PHF2: variants seen among roughly 807,000 people sequenced by gnomAD.
PHF2 encodes the protein lysine-specific demethylase PHF2.
In PHF2, 27 loss-of-function variants were observed where a neutral mutation model predicts 120.5. The observed-to-expected ratio is 0.22, with a 90% CI of 0.17 to 0.31. The LOEUF (loss-of-function observed/expected upper bound fraction) is 0.31. PHF2 is among the 10% of genes least tolerant of loss of function. The pLI, the probability that PHF2 is intolerant of heterozygous loss-of-function variation, is 1.00. For synonymous variants in PHF2, 568 were observed against 592.5 expected, an observed-to-expected ratio of 0.96 and a Z score of 0.60; for missense variants, 1,024 against 1,434.8, an observed-to-expected ratio of 0.71 and a Z score of 4.63.
intron 14 of PHF2, 46 bp downstream of exon 14, chr9:93,663,681 C>T: frequency 9.7e-7 from 1 of 1,034,106 alleles, no homozygotes; most frequent in Non-Finnish European, 1.5e-6. Context: ...GCATAACCGA[C>T]ATCACACACA....
chr9:93,634,627 C>T (rs967767783), intron 2 of PHF2, among the ~76,000 whole-genome samples: 3 of 152,238 alleles, frequency 2.0e-5, no homozygotes, highest in African/African-American at 4.8e-5. Context: ...TGAACTGAGC[C>T]TTCTCTGTTG....
Position 93,576,809 on chromosome 9 carries a change from C to T in PHF2, c.36C>T (p.Leu12=). 1 of 1,290,490 alleles carries T rather than the reference C, an allele frequency of 7.7e-7. No homozygotes were observed. Among genetic ancestry groups the T allele is most frequent in the Non-Finnish European group, 1.0e-6 (1 of 984,528 alleles). The allele number at this position is 1,290,490 out of a possible 1,614,324, so 79.9% of individuals were successfully genotyped here. A position where few individuals can be genotyped will look rare whatever the true frequency, so the allele number is the denominator to read the frequency against. Residue 12 remains leucine (L), a synonymous_variant, in exon 1 of 22, where the codon CTC becomes CTT. Coordinates refer to ENST00000359246, the MANE Select transcript of PHF2 (RefSeq NM_005392.4). ...TGCCCGTGTACTGCGTCTGCCGGCT[C>T]CCCTACGACGTTACCCGCTTCATGA... is the stretch of plus-strand genomic sequence containing the variant. The part of the protein sequence containing the change: ...ATVPVYCVCR[L]PYDVTRFMIE...
chr9:93,656,418 G>C lies in PHF2; in HGVS notation c.1041-71G>C, dbSNP rs990730328. The C allele has an allele frequency of 3.6e-6, 4 of 1,103,046 alleles. No individual in the cohort carries two copies. In the African/African-American group the frequency reaches 6.1e-5, roughly 17 times the overall value. 68.3% of individuals were successfully genotyped at this position (1,103,046 alleles called of 1,614,324 possible). On this transcript the variant is annotated intron_variant, in intron 8 of 21. Coordinates refer to ENST00000359246, the MANE Select transcript of PHF2 (RefSeq NM_005392.4). This position sits in a 1 kb window ranked among gnomAD's most constrained non-coding sequence, Gnocchi z 4.1. Reference sequence around the variant, plus strand: ...GGAGGCCTGAGCTGGTGTGTCTGGGGCCTGGATTGATGCCCAGCGTCGCCT... The same window carrying C: ...GGAGGCCTGAGCTGGTGTGTCTGGGCCCTGGATTGATGCCCAGCGTCGCCT...
At chr9:93,622,699 G>C (rs796216475) in intron 1 of PHF2, among the ~76,000 whole-genome samples, 1 of 152,100 alleles carries the variant, frequency 6.6e-6, no homozygotes, top group Non-Finnish European at 1.5e-5. Context: ...TTGGACTTCT[G>C]ACCTCCAGCC....
Position 93,632,687 on chromosome 9 carries a change from CA to C in PHF2, c.184+2633del, listed in dbSNP as rs1167725192. Reference sequence around the variant, plus strand: ...TCATAACCTCCCAAAGGCCCCACCTCATAAAATCATCACCTTAGGGGTCAGG... The same window carrying C: ...TCATAACCTCCCAAAGGCCCCACCTCTAAAATCATCACCTTAGGGGTCAGG... On this transcript the variant is annotated intron_variant, in intron 2 of 21. Coordinates refer to ENST00000359246, the MANE Select transcript of PHF2 (RefSeq NM_005392.4). Among the ~76,000 whole-genome samples the C allele has an allele frequency of 2.0e-5, 3 of 152,292 alleles. No individual in the cohort carries two copies. In the East Asian group the frequency reaches 5.8e-4, roughly 29 times the overall value.
At chr9:93,625,822 T>G (rs1014474209) in intron 1 of PHF2, among the ~76,000 whole-genome samples, 2 of 152,150 alleles carry the variant, frequency 1.3e-5, no homozygotes, top group Non-Finnish European at 2.9e-5. Flanking sequence ...GTGGAATTGC[T>G]GGGTCACATT....
chr9:93,577,625 C>A (rs1386992332), intron 1 of PHF2, among the ~76,000 whole-genome samples: 1 of 152,192 alleles, frequency 6.6e-6, no homozygotes, highest in Admixed American at 6.5e-5. Context: ...CCCTGGCCTT[C>A]AGTTTTCCCC....
chr9:93,610,949 C>G (rs1036660593), intron 1 of PHF2, among the ~76,000 whole-genome samples: 11 of 152,194 alleles, frequency 7.2e-5, no homozygotes, highest in Admixed American at 6.5e-4. Context: ...GCTTTCGTGT[C>G]CTTGTTTCAC....
intron 3 of PHF2, among the ~76,000 whole-genome samples, chr9:93,640,560 C>CT (rs1826158583): frequency 6.6e-6 from 1 of 152,084 alleles, no homozygotes; most frequent in African/African-American, 2.4e-5. Flanking sequence ...CCTTTTGACT[C>CT]TGTCTTAATT....
At chr9:93,595,741 A>G (rs974653351) in intron 1 of PHF2, among the ~76,000 whole-genome samples, 1 of 152,264 alleles carries the variant, frequency 6.6e-6, no homozygotes, top group Non-Finnish European at 1.5e-5. Flanking sequence ...GTGCGTAACC[A>G]GAGATGCCTT....
chr9:93,594,189 C>A (rs1587667786), intron 1 of PHF2, among the ~76,000 whole-genome samples: 1 of 7,670 alleles, frequency 1.3e-4, no homozygotes, highest in African/African-American at 2.5e-4. Flanking sequence ...TCATGTGACC[C>A]CCCCCCCCTC....
At position 93,677,516 on chromosome 9, in the gene PHF2, C is replaced by A. The variant is rs139023397; in HGVS notation, c.3203-72C>A. ...CCTTAGTGTCAGCGGGACCCTCCCC[C>A]CCACCGGCATGCCACGCCCCTTGCC... On this transcript the variant is annotated intron_variant, in intron 21 of 21. Coordinates refer to ENST00000359246, the MANE Select transcript of PHF2 (RefSeq NM_005392.4). The surrounding 1 kb of genome is among the most constrained non-coding windows in gnomAD (Gnocchi z 4.4). The A allele has an allele frequency of 7.7e-5, 88 of 1,136,110 alleles. 1 individual carries two copies. The highest frequency in any genetic ancestry group is 7.2e-4 in the Admixed American group (40 of 55,768). 70.4% of individuals were successfully genotyped at this position (1,136,110 alleles called of 1,614,324 possible).
chr9:93,601,651 G>A (rs1346234940), intron 1 of PHF2, among the ~76,000 whole-genome samples: 1 of 152,152 alleles, frequency 6.6e-6, no homozygotes, highest in Non-Finnish European at 1.5e-5. Context: ...GGATGGCTCA[G>A]TGTGCAGGGA....
At chr9:93,593,529 G>T (rs1370374102) in intron 1 of PHF2, among the ~76,000 whole-genome samples, 1 of 152,148 alleles carries the variant, frequency 6.6e-6, no homozygotes, top group Non-Finnish European at 1.5e-5. Context: ...ACCTGCTTTG[G>T]ATTTTTTAAA....
chr9:93,658,315 T>C, intron 10 of PHF2, 79 bp downstream of exon 10: 2 of 1,046,890 alleles, frequency 1.9e-6, no homozygotes, highest in South Asian at 2.7e-5. Context: ...CCAGCAGCAA[T>C]GTCCAGGACT....
chr9:93,647,991 C>T (rs899494743), intron 4 of PHF2, among the ~76,000 whole-genome samples: 2 of 152,178 alleles, frequency 1.3e-5, no homozygotes, highest in East Asian at 1.9e-4. Flanking sequence ...GTTCTATCAT[C>T]GCACTCGATA....
In PHF2 at chr9:93,679,545, CA is replaced by C. The variant is rs1446263668; in HGVS notation, c.*1872del. On this transcript the variant is annotated 3_prime_UTR_variant, in exon 22 of 22. Coordinates refer to ENST00000359246, the MANE Select transcript of PHF2 (RefSeq NM_005392.4). ...CCATGAGGTCTAAGGCAACTTAGATCAAAGTTTTAAAAAAGTAAAAATATTT... is the reference window on the plus strand; with the variant it reads ...CCATGAGGTCTAAGGCAACTTAGATCAAGTTTTAAAAAAGTAAAAATATTT... The C allele has an allele frequency of 1.3e-5, 3 of 226,670 alleles. No homozygotes were observed. The highest frequency in any genetic ancestry group is 2.7e-5 in the Non-Finnish European group (3 of 112,672). 14.0% of individuals were successfully genotyped at this position (226,670 alleles called of 1,614,324 possible).
At chr9:93,588,306 G>A (rs1049208073) in intron 1 of PHF2, among the ~76,000 whole-genome samples, 8 of 152,212 alleles carry the variant, frequency 5.3e-5, no homozygotes, top group Non-Finnish European at 2.9e-5. Flanking sequence ...GTTGTGTTGG[G>A]GACCATGGGA....
At chr9:93,620,624 A>G (rs61471428) in intron 1 of PHF2, among the ~76,000 whole-genome samples, 56,122 of 152,016 alleles carry the variant, frequency 0.37, 10,641 homozygotes, top group South Asian at 0.65. Flanking sequence ...TTTTTTGTTA[A>G]TGAGAAGCTT....
Sources: gnomAD v4.1 joint callset for allele counts (sites outside exome capture counted in the v4.1 genomes callset) on GRCh38, gnomAD v4.1.1 for gene constraint, Gnocchi (gnomAD v3.1) non-coding constraint, MANE v1.5 for transcripts, NCBI Gene and HGNC (gene_info 2026-07-23, HGNC 2026-07-21) for gene names.